The following ZPBP variants were observed in gnomAD, a reference collection of about 807,000 sequenced individuals.
ZPBP encodes zona pellucida binding protein, also known as zona pellucida-binding protein 1.
In ZPBP, 26 loss-of-function variants were observed where a neutral mutation model predicts 44.8. The observed-to-expected ratio is 0.58, with a 90% CI of 0.43 to 0.81. The LOEUF is 0.81. Ranked by LOEUF, ZPBP falls within the 30% of genes least tolerant of loss-of-function variation. The pLI is 0.00. For synonymous variants in ZPBP, 174 were observed against 153.2 expected, an observed-to-expected ratio of 1.14 and a Z score of -1.00; for missense variants, 409 against 434.0, an observed-to-expected ratio of 0.94 and a Z score of 0.51.
rs115153295 is a variant in ZPBP at position 49,925,837 on chromosome 7, C to T, written n.411+9914G>A. 7.6e-3 allele frequency among the ~76,000 whole-genome samples: 1,164 copies of T among 152,314 alleles called. 24 individuals are homozygous for T. The highest frequency in any genetic ancestry group is 0.026 in the African/African-American group (1,094 of 41,566). On this transcript the variant is annotated intron_variant and non_coding_transcript_variant, in intron 1 of 2. Transcript: ENST00000465922. ...AGATCTCCCTCTAAAATAGGGCAGT[C>T]ACTATCAAATTTTGGCTTCACCCAC...
At chr7:49,841,408 G>T in the ZPBP span, among the ~76,000 whole-genome samples, 1 of 151,950 alleles carries the variant, frequency 6.6e-6, no homozygotes, top group Non-Finnish European at 1.5e-5. Context: ...CAATTTCATA[G>T]TGGAGGAATT....
intron 2 of ZPBP, among the ~76,000 whole-genome samples, chr7:49,869,874 T>C (rs892121444): frequency 3.9e-5 from 6 of 152,012 alleles, no homozygotes; most frequent in African/African-American, 1.4e-4. Flanking sequence ...CAGAAAAGAA[T>C]GGATTAACAA....
chr7:49,940,822 A>G, intron 7 of ZPBP: 2 of 985,126 alleles, frequency 2.0e-6, no homozygotes, highest in Non-Finnish European at 2.4e-6. Flanking sequence ...TGAGAGTCCC[A>G]TGCCTGTGGG....
chr7:50,010,847 AT>A (rs779917585), intron 6 of ZPBP, among the ~76,000 whole-genome samples: 16 of 151,600 alleles, frequency 1.1e-4, no homozygotes, highest in Non-Finnish European at 2.4e-4. Flanking sequence ...ACTAGAAAAA[AT>A]AATCCTAAAA....
chr7:49,909,886 T>G (rs2128742010), intron 1 of ZPBP, among the ~76,000 whole-genome samples: 1 of 152,210 alleles, frequency 6.6e-6, no homozygotes, highest in Non-Finnish European at 1.5e-5. Flanking sequence ...GGAGGATCTC[T>G]TGAGCCCAGG....
chr7:50,071,669 G>A (rs927461806), intron 3 of ZPBP, among the ~76,000 whole-genome samples: 3 of 152,116 alleles, frequency 2.0e-5, no homozygotes, highest in Non-Finnish European at 4.4e-5. Context: ...TTGCATCTAA[G>A]ATACCAGCCC....
At chr7:50,049,653 G>A (rs1248176955) in intron 4 of ZPBP, among the ~76,000 whole-genome samples, 1 of 151,758 alleles carries the variant, frequency 6.6e-6, no homozygotes. Context: ...GTAGAATAAG[G>A]GAATTTCTTC....
intron 5 of ZPBP, among the ~76,000 whole-genome samples, chr7:50,023,675 A>G (rs1358902945): frequency 6.6e-6 from 1 of 152,126 alleles, no homozygotes; most frequent in Admixed American, 6.6e-5. Context: ...AACCAAACTC[A>G]GATACGGCAG....
intron 7 of ZPBP, among the ~76,000 whole-genome samples, chr7:49,961,968 G>T (rs1162730494): frequency 1.3e-5 from 2 of 151,936 alleles, no homozygotes; most frequent in Admixed American, 6.6e-5. Context: ...TATTTATAAA[G>T]ATTTCATTTC....
chr7:49,864,212 A>G lies in ZPBP; in HGVS notation n.510-13698T>C, dbSNP rs1002731111. On this transcript the variant is annotated intron_variant and non_coding_transcript_variant, in intron 2 of 2. Coordinates refer to the ZPBP transcript ENST00000465922. Reference sequence around the variant, plus strand: ...GATATTGTTCAGTTAGCTTTTTCCAAAGGTTTCCTTGAATATCAAGGGAAA... The same window carrying G: ...GATATTGTTCAGTTAGCTTTTTCCAGAGGTTTCCTTGAATATCAAGGGAAA... Among the ~76,000 whole-genome samples, 3 of 152,120 alleles carry G rather than the reference A, an allele frequency of 2.0e-5. No individual in the cohort carries two copies. The South Asian group carries it at 6.2e-4, about 31-fold the overall frequency.
At chr7:49,955,573 A>G (rs1201898459) in intron 7 of ZPBP, among the ~76,000 whole-genome samples, 1 of 152,108 alleles carries the variant, frequency 6.6e-6, no homozygotes, top group African/African-American at 2.4e-5. Flanking sequence ...AAAACTAAAG[A>G]AAGAAGAGCA....
intron 6 of ZPBP, among the ~76,000 whole-genome samples, chr7:50,017,251 T>A (rs926431075): frequency 1.3e-5 from 2 of 152,106 alleles, no homozygotes; most frequent in African/African-American, 4.8e-5. Context: ...TAGATTCTCA[T>A]AAGGAATACA....
intron 6 of ZPBP, among the ~76,000 whole-genome samples, chr7:50,017,870 A>G (rs1213265634): frequency 6.6e-6 from 1 of 152,086 alleles, no homozygotes; most frequent in Non-Finnish European, 1.5e-5. Context: ...GTATGGAGCA[A>G]AGCAATATGA....
Position 49,969,828 on chromosome 7 carries a change from G to T in ZPBP, c.961+13514C>A, listed in dbSNP as rs1189876146. Among the ~76,000 whole-genome samples the T allele has an allele frequency of 7.7e-3, 662 of 86,098 alleles. 6 individuals carry two copies. The highest frequency in any genetic ancestry group is 0.023 in the African/African-American group (612 of 26,124). 56.5% of individuals were successfully genotyped at this position (86,098 alleles called of 152,430 possible). A position where few individuals can be genotyped will look rare whatever the true frequency, so the allele number is the denominator to read the frequency against. Reference sequence around the variant, plus strand: ...GTATATATATATATATAGAGAGAGAGAGAGAGAGAGAGAGAGAAAGAGAAA... The same window carrying T: ...GTATATATATATATATAGAGAGAGATAGAGAGAGAGAGAGAGAAAGAGAAA... On this transcript the variant is annotated intron_variant, in intron 7 of 7. Transcript: ENST00000046087.
At chr7:49,855,181 T>C (rs1790364666) in intron 2 of ZPBP, among the ~76,000 whole-genome samples, 1 of 152,258 alleles carries the variant, frequency 6.6e-6, no homozygotes. Context: ...TCATATTTCT[T>C]AGTTCCCAAA....
intron 2 of ZPBP, among the ~76,000 whole-genome samples, chr7:49,858,002 C>T (rs77152891): frequency 6.6e-6 from 1 of 152,088 alleles, no homozygotes; most frequent in Non-Finnish European, 1.5e-5. Flanking sequence ...TTATAGAGTT[C>T]CCCTGTAACC....
At chr7:49,890,944 G>C (rs1792101548) in intron 2 of ZPBP, among the ~76,000 whole-genome samples, 1 of 151,864 alleles carries the variant, frequency 6.6e-6, no homozygotes, top group South Asian at 2.1e-4. Context: ...TCCTTTAGAA[G>C]ACAACAAATG....
At chr7:50,082,903 C>G (rs139040434) in intron 2 of ZPBP, among the ~76,000 whole-genome samples, 1,874 of 151,782 alleles carry the variant, frequency 0.012, 20 homozygotes, top group Non-Finnish European at 0.018. Context: ...AATGCTTACC[C>G]CATAAATTTT....
rs1554344974 is a variant in ZPBP at position 49,911,918 on chromosome 7, T to TGCACACACAC, written n.412-10704_412-10703insGTGTGTGTGC. ...TCTCAAAAACAAACAAACAAACAAA[T>TGCACACACAC]ACACGCACACACACACACACACACA... On this transcript the variant is annotated intron_variant and non_coding_transcript_variant, in intron 1 of 2. Transcript: ENST00000465922. The TGCACACACAC allele has an allele frequency of 2.2e-5, 5 of 223,020 alleles. No individual in the cohort carries two copies. The Admixed American group carries it at 4.9e-4, about 22-fold the overall frequency. The allele number at this position is 223,020 out of a possible 1,614,324, so 13.8% of individuals were successfully genotyped here.
Sources: gnomAD v4.1 joint callset for allele counts (sites outside exome capture counted in the v4.1 genomes callset) on GRCh38, gnomAD v4.1.1 for gene constraint, MANE v1.5 for transcripts, NCBI Gene and HGNC (gene_info 2026-07-23, HGNC 2026-07-21) for gene names.